Variants in ENPP6 observed in about 807,000 individuals in gnomAD.
The protein encoded by ENPP6 is glycerophosphocholine cholinephosphodiesterase ENPP6.
A neutral mutation model predicts 42.0 loss-of-function variants in ENPP6; 32 were observed. The ratio of observed to expected loss-of-function variants is 0.76; its 90% CI spans 0.58 to 1.02. The LOEUF (loss-of-function observed/expected upper bound fraction) is 1.02. ENPP6 is among the 50% of genes least tolerant of loss of function. The pLI is 0.00. For missense variants in ENPP6, 552 were observed against 566.8 expected, an observed-to-expected ratio of 0.97 and a Z score of 0.27; for synonymous variants, 213 against 216.0, an observed-to-expected ratio of 0.99 and a Z score of 0.12.
At chr4:184,193,355 T>TA (rs1221592158) in intron 1 of ENPP6, among the ~76,000 whole-genome samples, 2 of 152,194 alleles carry the variant, frequency 1.3e-5, no homozygotes, top group Non-Finnish European at 2.9e-5. Flanking sequence ...TCATTAGAGT[T>TA]ACTGAATGAA....
intron 2 of ENPP6, among the ~76,000 whole-genome samples, chr4:184,144,208 G>A (rs1411391910): frequency 6.6e-6 from 1 of 152,226 alleles, no homozygotes; most frequent in Non-Finnish European, 1.5e-5. Flanking sequence ...ATTCTCCTCT[G>A]AGGGCTAATT....
intron 5 of ENPP6, among the ~76,000 whole-genome samples, chr4:184,116,103 G>C (rs1201503772): frequency 6.6e-6 from 1 of 151,892 alleles, no homozygotes; most frequent in Non-Finnish European, 1.5e-5. Flanking sequence ...GGCGCCTGTA[G>C]ACCCAACTAC....
chr4:184,193,685 C>G (rs1579658736), intron 1 of ENPP6, among the ~76,000 whole-genome samples: 2 of 152,286 alleles, frequency 1.3e-5, no homozygotes, highest in East Asian at 1.9e-4. Context: ...GAGATCACCA[C>G]TATAGATCCA....
At chr4:184,196,648 T>G (rs1201752275) in intron 1 of ENPP6, among the ~76,000 whole-genome samples, 2 of 151,972 alleles carry the variant, frequency 1.3e-5, no homozygotes, top group Non-Finnish European at 2.9e-5. Flanking sequence ...GAAAGACAGG[T>G]GGAGGAAAGC....
At position 184,119,478 on chromosome 4, in the gene ENPP6, T is replaced by C. The variant is rs1234265000; in HGVS notation, c.534-1578A>G. Among the ~76,000 whole-genome samples the C allele has an allele frequency of 5.9e-5, 9 of 152,104 alleles. No individual in the cohort carries two copies. In the East Asian group the frequency reaches 1.5e-3, roughly 26 times the overall value. Reference sequence around the variant, plus strand: ...CCAGATGTGCTGAGCATATGACAAGTCTTAATTTTGAAAATTCTCTTTTGA... The same window carrying C: ...CCAGATGTGCTGAGCATATGACAAGCCTTAATTTTGAAAATTCTCTTTTGA... On this transcript the variant is annotated intron_variant, in intron 3 of 7. Coordinates refer to ENST00000296741, the MANE Select transcript of ENPP6 (RefSeq NM_153343.4).
At chr4:184,130,169 G>A (rs1243640717) in intron 2 of ENPP6, among the ~76,000 whole-genome samples, 1 of 152,134 alleles carries the variant, frequency 6.6e-6, no homozygotes, top group East Asian at 1.9e-4. Context: ...GCGGTTGTGA[G>A]GGCAGGATCC....
chr4:184,152,225 G>A (rs1353257337), intron 2 of ENPP6, among the ~76,000 whole-genome samples: 1 of 152,148 alleles, frequency 6.6e-6, no homozygotes, highest in Non-Finnish European at 1.5e-5. Context: ...CGCGGTCTCC[G>A]TGTGTCTGTG....
chr4:184,113,894 C>CTTTCTTTTCTTTCTTTCTTTTCT (rs1560981798), intron 5 of ENPP6, among the ~76,000 whole-genome samples: 9 of 148,356 alleles, frequency 6.1e-5, no homozygotes, highest in African/African-American at 1.8e-4. Flanking sequence ...TCCTTCCTTT[C>CTTTCTTTTCTTTCTTTCTTTTCT]TTTCTTTTCT....
intron 6 of ENPP6, among the ~76,000 whole-genome samples, chr4:184,110,046 T>C (rs965517468): frequency 9.2e-5 from 14 of 151,900 alleles, no homozygotes; most frequent in Non-Finnish European, 2.1e-4. Context: ...ACGGAAGGAT[T>C]AGGGGGAGAT....
chr4:184,166,666 G>A (rs1737353242), intron 1 of ENPP6, among the ~76,000 whole-genome samples: 1 of 152,202 alleles, frequency 6.6e-6, no homozygotes, highest in Non-Finnish European at 1.5e-5. Flanking sequence ...CTCTTTTGAG[G>A]CACACTCCCA....
rs143643148 is a variant in ENPP6 at position 184,145,185 on chromosome 4, G to A, written c.421+8369C>T. Reference sequence around the variant, plus strand: ...TTTGCAGGCGTCTGAGTGCAGCGTTGCATGTGGAACGACTCGCTCAGCCTA... The same window carrying A: ...TTTGCAGGCGTCTGAGTGCAGCGTTACATGTGGAACGACTCGCTCAGCCTA... On this transcript the variant is annotated intron_variant, in intron 2 of 7. Transcript: ENST00000296741. 3.9e-3 allele frequency among the ~76,000 whole-genome samples: 587 copies of A among 152,322 alleles called. 2 individuals are homozygous for A. Among genetic ancestry groups the A allele is most frequent in the Non-Finnish European group, 5.6e-3 (384 of 68,020 alleles).
intron 2 of ENPP6, among the ~76,000 whole-genome samples, chr4:184,145,121 C>A (rs1736896762): frequency 6.6e-6 from 1 of 152,244 alleles, no homozygotes; most frequent in Admixed American, 6.5e-5. Flanking sequence ...TAGCCACTGC[C>A]TCAAGGAGAG....
At chr4:184,194,012 G>A (rs1216838481) in intron 1 of ENPP6, among the ~76,000 whole-genome samples, 3 of 152,086 alleles carry the variant, frequency 2.0e-5, no homozygotes, top group Non-Finnish European at 4.4e-5. Context: ...TGTTGCCACG[G>A]TCCCTGATAG....
At chr4:184,183,287 A>G (rs1271880503) in intron 1 of ENPP6, among the ~76,000 whole-genome samples, 1 of 152,246 alleles carries the variant, frequency 6.6e-6, no homozygotes, top group East Asian at 1.9e-4. Context: ...GTATGTAGAA[A>G]TATGTAAATA....
At chr4:184,215,662 T>C (rs1365900882) in intron 1 of ENPP6, among the ~76,000 whole-genome samples, 4 of 152,176 alleles carry the variant, frequency 2.6e-5, no homozygotes, top group African/African-American at 7.2e-5. Context: ...ATGAAACATA[T>C]AGACCAAGCA....
intron 6 of ENPP6, among the ~76,000 whole-genome samples, chr4:184,100,409 C>T (rs904321566): frequency 2.6e-5 from 4 of 152,246 alleles, no homozygotes; most frequent in Non-Finnish European, 5.9e-5. Flanking sequence ...TCTGTGGATC[C>T]GCAAGCTCCT....
At chr4:184,113,931 CT>C (rs1309128067) in intron 5 of ENPP6, among the ~76,000 whole-genome samples, 2 of 136,588 alleles carry the variant, frequency 1.5e-5, no homozygotes, top group Non-Finnish European at 3.2e-5. Context: ...TTCTTTCTTT[CT>C]TTCTTTCTTT....
intron 1 of ENPP6, among the ~76,000 whole-genome samples, chr4:184,204,963 T>C (rs1312694118): frequency 6.6e-6 from 1 of 152,106 alleles, no homozygotes; most frequent in African/African-American, 2.4e-5. Flanking sequence ...GAAGTTTCGC[T>C]CATGTTGCCC....
intron 3 of ENPP6, among the ~76,000 whole-genome samples, chr4:184,120,775 C>G (rs1736402347): frequency 6.6e-6 from 1 of 152,188 alleles, no homozygotes; most frequent in African/African-American, 2.4e-5. Context: ...CTGCAGAACC[C>G]CAGGCCTTAG....
Sources: gnomAD v4.1 joint callset for allele counts (sites outside exome capture counted in the v4.1 genomes callset) on GRCh38, gnomAD v4.1.1 for gene constraint, MANE v1.5 for transcripts, NCBI Gene and HGNC (gene_info 2026-07-23, HGNC 2026-07-21) for gene names.